Variants in B3GALT1 observed in about 807,000 individuals in gnomAD.
B3GALT1 encodes UDP-Gal:betaGlcNAc beta 1,3-galactosyltransferase, polypeptide 1.
B3GALT1 carries 10 observed loss-of-function variants against 23.2 expected under a neutral mutation model. That is an observed-to-expected ratio of 0.43 (90% confidence interval 0.27 to 0.73). B3GALT1 has a LOEUF of 0.73. Ranked by LOEUF, B3GALT1 falls within the 30% of genes least tolerant of loss-of-function variation. The pLI, the probability that B3GALT1 is intolerant of heterozygous loss-of-function variation, is 0.21. For synonymous variants in B3GALT1, 156 were observed against 141.5 expected (o/e 1.10, Z -0.73); for missense variants, 299 against 405.4 (o/e 0.74, Z 2.25).
chr2:167,410,016 T>C (rs959289739), intron 1 of B3GALT1, among the ~76,000 whole-genome samples: 2 of 152,072 alleles, frequency 1.3e-5, no homozygotes, highest in Non-Finnish European at 2.9e-5. Context: ...AGCAAAGACT[T>C]GGAACCATCC....
At chr2:167,351,262 C>G (rs1163919104) in intron 1 of B3GALT1, among the ~76,000 whole-genome samples, 3 of 147,988 alleles carry the variant, frequency 2.0e-5, no homozygotes, top group Non-Finnish European at 3.0e-5. Context: ...GAGTGAGACT[C>G]CGTCTCAAAA....
At chr2:167,390,562 GT>G (rs934214586) in intron 1 of B3GALT1, among the ~76,000 whole-genome samples, 1 of 152,054 alleles carries the variant, frequency 6.6e-6, no homozygotes, top group African/African-American at 2.4e-5. Context: ...TTATCTCCAT[GT>G]TTTTTCCAGA....
chr2:167,631,923 C>T (rs1030750890), intron 2 of B3GALT1, among the ~76,000 whole-genome samples: 2 of 151,812 alleles, frequency 1.3e-5, no homozygotes, highest in African/African-American at 2.4e-5. Context: ...TTAGGTATTT[C>T]TCCTAATGCT....
At position 167,870,955 on chromosome 2, in the gene B3GALT1, C is replaced by T. The variant is rs966733424; in HGVS notation, c.*935C>T. The T allele has an allele frequency of 1.2e-5, 2 of 166,320 alleles. No individual in the cohort carries two copies. Among genetic ancestry groups the T allele is most frequent in the African/African-American group, 4.8e-5 (2 of 41,434 alleles). 10.3% of individuals were successfully genotyped at this position (166,320 alleles called of 1,614,324 possible). A position where few individuals can be genotyped will look rare whatever the true frequency, so the allele number is the denominator to read the frequency against. Reference sequence around the variant, plus strand: ...AAGTATGCATTATAATTAACATAAGCTTAGCAATAGTATAAGATGCCCCCA... The same window carrying T: ...AAGTATGCATTATAATTAACATAAGTTTAGCAATAGTATAAGATGCCCCCA... On this transcript the variant is annotated 3_prime_UTR_variant, in exon 5 of 5. Transcript: ENST00000392690.
At chr2:167,752,139 T>G (rs1045468117) in intron 3 of B3GALT1, among the ~76,000 whole-genome samples, 3 of 152,110 alleles carry the variant, frequency 2.0e-5, no homozygotes, top group African/African-American at 4.8e-5. Context: ...GCAGTGAGAA[T>G]TTAACTTGGA....
intron 2 of B3GALT1, among the ~76,000 whole-genome samples, chr2:167,617,129 C>T (rs895479709): frequency 3.3e-5 from 5 of 152,066 alleles, no homozygotes; most frequent in Non-Finnish European, 5.9e-5. Context: ...GTCCCACCCT[C>T]CATATGTTGT....
chr2:167,466,582 T>A (rs1417992163), intron 1 of B3GALT1, among the ~76,000 whole-genome samples: 1 of 127,598 alleles, frequency 7.8e-6, no homozygotes, highest in Non-Finnish European at 1.6e-5. Flanking sequence ...ATCCCGCCAC[T>A]GCACTCCAGC....
chr2:167,328,011 A>G (rs1269870373), intron 1 of B3GALT1, among the ~76,000 whole-genome samples: 3 of 152,094 alleles, frequency 2.0e-5, no homozygotes, highest in Non-Finnish European at 4.4e-5. Context: ...TGGTGATGTG[A>G]TGTATTACAT....
chr2:167,458,110 A>G (rs1211981814), intron 1 of B3GALT1, among the ~76,000 whole-genome samples: 7 of 152,156 alleles, frequency 4.6e-5, no homozygotes, highest in African/African-American at 9.7e-5. Flanking sequence ...CAATTAGACA[A>G]TAACACCCCA....
At chr2:167,650,642 T>A (rs561443190) in intron 3 of B3GALT1, among the ~76,000 whole-genome samples, 5 of 152,202 alleles carry the variant, frequency 3.3e-5, no homozygotes, top group African/African-American at 1.2e-4. Context: ...AGTGAAGACA[T>A]CTGGTCAGGG....
intron 4 of B3GALT1, among the ~76,000 whole-genome samples, chr2:167,834,324 G>C (rs753458791): frequency 6.6e-6 from 1 of 152,114 alleles, no homozygotes; most frequent in Non-Finnish European, 1.5e-5. Flanking sequence ...TGGAGCCTAG[G>C]TTTTTCCTTA....
At chr2:167,408,015 G>GACACACAC (rs56318085) in intron 1 of B3GALT1, among the ~76,000 whole-genome samples, 2 of 129,648 alleles carry the variant, frequency 1.5e-5, no homozygotes, top group African/African-American at 5.7e-5. Context: ...AGCAGGCAAA[G>GACACACAC]ACACACACAC....
chr2:167,338,688 A>C (rs1697099042), intron 1 of B3GALT1, among the ~76,000 whole-genome samples: 1 of 152,110 alleles, frequency 6.6e-6, no homozygotes, highest in Admixed American at 6.6e-5. Flanking sequence ...AATTGAGAGA[A>C]GGGAATTCTT....
intron 1 of B3GALT1, among the ~76,000 whole-genome samples, chr2:167,380,689 A>G (rs1697836430): frequency 6.6e-6 from 1 of 151,974 alleles, no homozygotes; most frequent in Non-Finnish European, 1.5e-5. Context: ...CAGCATCCCC[A>G]AGCCTCTCCC....
At position 167,487,295 on chromosome 2, in the gene B3GALT1, C is replaced by T. The variant is rs537379006; in HGVS notation, c.-510-2882C>T. ...CAGAGACTGGGAAGGTAATGTTGTG[C>T]GTGTTTTGCTGATTAAATATAAAAC... On this transcript the variant is annotated intron_variant, in intron 1 of 4. Coordinates refer to ENST00000392690, the MANE Select transcript of B3GALT1 (RefSeq NM_020981.4). Among the ~76,000 whole-genome samples, 13 of 152,228 alleles carry T rather than the reference C, an allele frequency of 8.5e-5. No homozygotes were observed. The South Asian group carries it at 2.3e-3, about 27-fold the overall frequency.
chr2:167,803,330 G>C (rs925177865), intron 3 of B3GALT1, among the ~76,000 whole-genome samples: 1 of 152,112 alleles, frequency 6.6e-6, no homozygotes, highest in African/African-American at 2.4e-5. Context: ...ATTATGTTTT[G>C]ATTGCAACAT....
At chr2:167,805,053 T>G (rs1688722949) in intron 3 of B3GALT1, among the ~76,000 whole-genome samples, 1 of 152,218 alleles carries the variant, frequency 6.6e-6, no homozygotes, top group Non-Finnish European at 1.5e-5. Flanking sequence ...ACTGTGGTTT[T>G]GATTTGCATT....
chr2:167,519,636 T>C lies in B3GALT1; in HGVS notation c.-410+29359T>C, dbSNP rs554949066. Among the ~76,000 whole-genome samples the C allele has an allele frequency of 2.5e-4, 38 of 152,350 alleles. No homozygotes were observed. The South Asian group carries it at 7.9e-3, about 32-fold the overall frequency. Reference sequence around the variant, plus strand: ...TTGTTTTAATAACTCTATAGCATTTTTAACAGGAATAAGTAGCTACCGTAG... The same window carrying C: ...TTGTTTTAATAACTCTATAGCATTTCTAACAGGAATAAGTAGCTACCGTAG... On this transcript the variant is annotated intron_variant, in intron 2 of 4. Coordinates refer to ENST00000392690, the MANE Select transcript of B3GALT1 (RefSeq NM_020981.4).
At chr2:167,532,098 C>A (rs1355970030) in intron 2 of B3GALT1, among the ~76,000 whole-genome samples, 2 of 152,034 alleles carry the variant, frequency 1.3e-5, no homozygotes, top group Non-Finnish European at 2.9e-5. Context: ...ATGTCTTTGC[C>A]ATAGCTGATG....
Sources: allele counts gnomAD v4.1 joint callset (sites outside exome capture counted in the v4.1 genomes callset), GRCh38; gene constraint gnomAD v4.1.1; transcripts MANE v1.5; gene names NCBI Gene and HGNC (gene_info 2026-07-23, HGNC 2026-07-21).